The following DPYSL3 variants were observed in gnomAD, a reference collection of about 807,000 sequenced individuals.
The protein encoded by DPYSL3 is dihydropyrimidinase-related protein 3.
Under a neutral mutation model 66.1 loss-of-function variants are expected in DPYSL3, and 16 were observed. The observed-to-expected ratio is 0.24, with a 90% confidence interval of 0.16 to 0.37. The LOEUF is 0.37. Ranked by LOEUF, DPYSL3 falls within the 10% of genes least tolerant of loss-of-function variation. DPYSL3 has a pLI of 1.00. For synonymous variants in DPYSL3, 338 were observed against 345.1 expected (o/e 0.98, Z 0.23); for missense variants, 738 against 916.2 (o/e 0.81, Z 2.51).
chr5:147,509,200 G>A lies in DPYSL3; in HGVS notation c.381+278C>T, dbSNP rs1753722280. ...CACCCACCCAGACCGGATGGCCCAG[G>A]AGTGCGGCGAGGAGGCAGGGGCAAA... On this transcript the variant is annotated intron_variant, in intron 1 of 13. Transcript: ENST00000343218. The surrounding 1 kb of genome is among the most constrained non-coding windows in gnomAD (Gnocchi z 5.3). Among the ~76,000 whole-genome samples the A allele has an allele frequency of 6.6e-6, 1 of 152,170 alleles. No homozygotes were observed. Among genetic ancestry groups the A allele is most frequent in the South Asian group, 2.1e-4 (1 of 4,830 alleles).
chr5:147,404,126 T>G (rs1758272722), intron 8 of DPYSL3, among the ~76,000 whole-genome samples: 1 of 152,144 alleles, frequency 6.6e-6, no homozygotes, highest in African/African-American at 2.4e-5. Flanking sequence ...CTTTTTCTTT[T>G]CTTTGCTTTT....
chr5:147,448,763 GCTAC>G (rs1311216707), intron 1 of DPYSL3, among the ~76,000 whole-genome samples: 2 of 152,188 alleles, frequency 1.3e-5, no homozygotes, highest in African/African-American at 4.8e-5. Flanking sequence ...CTTGGTCACA[GCTAC>G]TAATGTTCAG....
chr5:147,458,720 T>G (rs888021307), intron 1 of DPYSL3, among the ~76,000 whole-genome samples: 2 of 152,112 alleles, frequency 1.3e-5, no homozygotes. Context: ...CCACTTACAG[T>G]AGCATATGTG....
chr5:147,428,827 G>A (rs1441353975), intron 1 of DPYSL3, among the ~76,000 whole-genome samples: 2 of 152,076 alleles, frequency 1.3e-5, no homozygotes, highest in African/African-American at 4.8e-5. Flanking sequence ...AGGAGGGAGA[G>A]CATCAGGATA....
intron 1 of DPYSL3, among the ~76,000 whole-genome samples, chr5:147,426,699 G>C (rs898636377): frequency 2.6e-5 from 4 of 152,114 alleles, no homozygotes; most frequent in Non-Finnish European, 5.9e-5. Context: ...GGAGGACGGA[G>C]CCCCAAAACC....
chr5:147,408,668 T>C, intron 7 of DPYSL3, 60 bp downstream of exon 7: 5 of 1,567,814 alleles, frequency 3.2e-6, no homozygotes, highest in Non-Finnish European at 4.4e-6. Flanking sequence ...CACATTCTCG[T>C]CGCCTTTTAA....
intron 1 of DPYSL3, among the ~76,000 whole-genome samples, chr5:147,449,935 GA>G (rs1222881939): frequency 6.6e-6 from 1 of 152,164 alleles, no homozygotes; most frequent in Non-Finnish European, 1.5e-5. Context: ...TAAAAGGTAG[GA>G]AAGACCATGT....
At chr5:147,466,012 C>T (rs1266552681) in intron 1 of DPYSL3, among the ~76,000 whole-genome samples, 1 of 152,210 alleles carries the variant, frequency 6.6e-6, no homozygotes, top group African/African-American at 2.4e-5. Context: ...TGTACATGGA[C>T]AGACATTTTT....
intron 1 of DPYSL3, among the ~76,000 whole-genome samples, chr5:147,476,644 C>A (rs549281612): frequency 6.6e-6 from 1 of 152,082 alleles, no homozygotes; most frequent in South Asian, 2.1e-4. Flanking sequence ...AAAATGCAAA[C>A]TGGTGAAATC....
chr5:147,407,381 G>C (rs1758353233), intron 7 of DPYSL3, among the ~76,000 whole-genome samples: 1 of 152,110 alleles, frequency 6.6e-6, no homozygotes, highest in Non-Finnish European at 1.5e-5. Flanking sequence ...GTAAGGCTAA[G>C]GGGAGGTTGA....
At chr5:147,505,795 TAGA>T (rs1753678181) in intron 1 of DPYSL3, among the ~76,000 whole-genome samples, 1 of 152,156 alleles carries the variant, frequency 6.6e-6, no homozygotes, top group South Asian at 2.1e-4. Flanking sequence ...GGTGGCACAA[TAGA>T]AGAAGGGTTC....
chr5:147,442,628 GC>G (rs1752554955), intron 1 of DPYSL3, among the ~76,000 whole-genome samples: 1 of 151,956 alleles, frequency 6.6e-6, no homozygotes, highest in African/African-American at 2.4e-5. Flanking sequence ...TGTTGTTAAT[GC>G]AAAGATCTCG....
chr5:147,424,473 T>G (rs1213736423), intron 2 of DPYSL3, among the ~76,000 whole-genome samples: 1 of 152,246 alleles, frequency 6.6e-6, no homozygotes, highest in Non-Finnish European at 1.5e-5. Flanking sequence ...ATCTGTGCTC[T>G]GCCCATCTAA....
In DPYSL3 at chr5:147,468,986, T is replaced by C. The variant is rs1221065357; in HGVS notation, c.381+40492A>G. Among the ~76,000 whole-genome samples the C allele has an allele frequency of 3.9e-5, 6 of 152,170 alleles. 1 individual carries two copies. The highest frequency in any genetic ancestry group is 3.9e-4 in the Admixed American group (6 of 15,266). ...CTAGCCAATTAAGTTGCGAATACAATGTACGCTATTTTCCACGACAACACC... is the reference window on the plus strand; with the variant it reads ...CTAGCCAATTAAGTTGCGAATACAACGTACGCTATTTTCCACGACAACACC... On this transcript the variant is annotated intron_variant, in intron 1 of 13. Coordinates refer to ENST00000343218, the MANE Select transcript of DPYSL3 (RefSeq NM_001197294.2).
chr5:147,401,593 T>G lies in DPYSL3; in HGVS notation c.1257A>C (p.Pro419=). ...WAKAAAFVTS[P]PLSPDPTTPD... ...GAGTAGTTGGGTCAGGGCTCAGGGG[T>G]GGGGATGTCACAAATGCAGCCGCCT... Residue 419 remains proline (P), a synonymous_variant, in exon 9 of 14, where the codon CCA becomes CCC. Coordinates refer to ENST00000343218, the MANE Select transcript of DPYSL3 (RefSeq NM_001197294.2). 6.2e-7 allele frequency: 1 copy of G among 1,613,638 alleles called. No individual in the cohort carries two copies. The highest frequency in any genetic ancestry group is 8.5e-7 in the Non-Finnish European group (1 of 1,179,896).
chr5:147,473,426 G>C (rs1201855815), intron 1 of DPYSL3: 2 of 152,140 alleles, frequency 1.3e-5, no homozygotes, highest in Non-Finnish European at 2.9e-5. Flanking sequence ...TGACATTAAA[G>C]TCCCATCTTT....
At chr5:147,442,608 A>G (rs1752554441) in intron 1 of DPYSL3, among the ~76,000 whole-genome samples, 1 of 152,196 alleles carries the variant, frequency 6.6e-6, no homozygotes, top group Non-Finnish European at 1.5e-5. Flanking sequence ...TAAATCTGTC[A>G]TTTCATTTTT....
chr5:147,459,257 G>A (rs1032815513), intron 1 of DPYSL3, among the ~76,000 whole-genome samples: 5 of 151,916 alleles, frequency 3.3e-5, no homozygotes, highest in African/African-American at 1.2e-4. Context: ...GTCTTAATAT[G>A]AGAAAACATT....
intron 11 of DPYSL3, 40 bp from the exon 12 acceptor site, chr5:147,397,885 G>GAAAGAGA: frequency 1.7e-6 from 1 of 580,706 alleles, no homozygotes; most frequent in Non-Finnish European, 2.2e-6. Flanking sequence ...AGTAAGGGTA[G>GAAAGAGA]AGAAAGAGGA....
Sources: gnomAD v4.1 joint callset for allele counts (sites outside exome capture counted in the v4.1 genomes callset) on GRCh38, gnomAD v4.1.1 for gene constraint, Gnocchi (gnomAD v3.1) non-coding constraint, MANE v1.5 for transcripts, NCBI Gene and HGNC (gene_info 2026-07-23, HGNC 2026-07-21) for gene names.